Variants in GPATCH1 observed in about 807,000 individuals in gnomAD.
GPATCH1 encodes the protein G patch domain-containing protein 1.
GPATCH1 carries 73 observed loss-of-function variants against 114.9 expected under a neutral mutation model. That is an observed-to-expected ratio of 0.64 (90% confidence interval 0.53 to 0.77). The LOEUF is 0.77. GPATCH1 is among the 30% of genes least tolerant of loss of function. The pLI is 0.00. For synonymous variants in GPATCH1, 391 were observed against 428.4 expected (o/e 0.91, Z 1.08); for missense variants, 1,058 against 1,144.3 (o/e 0.92, Z 1.09).
chr19:33,098,177 G>A (rs1409274688), intron 8 of GPATCH1, among the ~76,000 whole-genome samples: 1 of 152,184 alleles, frequency 6.6e-6, no homozygotes, highest in Non-Finnish European at 1.5e-5. Flanking sequence ...GTGACCACAT[G>A]GCTGGTCAGA....
chr19:33,107,134 C>T (rs1210637571), intron 10 of GPATCH1, among the ~76,000 whole-genome samples: 1 of 152,094 alleles, frequency 6.6e-6, no homozygotes, highest in Non-Finnish European at 1.5e-5. Flanking sequence ...GTCTGTCACC[C>T]AGGCTGAAGG....
intron 19 of GPATCH1, 22 bp from the exon 20 acceptor site, chr19:33,130,108 T>A (rs1364285860): frequency 4.4e-6 from 7 of 1,605,702 alleles, no homozygotes; most frequent in Non-Finnish European, 6.0e-6. Flanking sequence ...TCCATTTCTC[T>A]CTTTTCTGTT....
At position 33,086,835 on chromosome 19, in the gene GPATCH1, G is replaced by A. The variant is rs150128500; in HGVS notation, c.74-1299G>A. ...TTTAAACCTGGGCTCTTGGCTGGAC[G>A]CGGTCGCTCACACCTGTAATCCCAG... On this transcript the variant is annotated intron_variant, in intron 1 of 19. Transcript: ENST00000170564. 7.6e-3 allele frequency among the ~76,000 whole-genome samples: 1,151 copies of A among 152,008 alleles called. 16 individuals carry two copies. The highest frequency in any genetic ancestry group is 0.027 in the African/African-American group (1,114 of 41,456).
intron 16 of GPATCH1, among the ~76,000 whole-genome samples, chr19:33,118,281 C>T (rs1259085107): frequency 6.7e-6 from 1 of 149,838 alleles, no homozygotes; most frequent in East Asian, 2.0e-4. Context: ...TGGGCTCAAG[C>T]AATCCTCCCA....
At position 33,082,385 on chromosome 19, in the gene GPATCH1, C is replaced by A. The variant is rs1374218254; in HGVS notation, c.73+1119C>A. ...ATTGGGCCACAATTTATTTGCAGAC[C>A]TCCTGTTGGTGGGGGTCCCCTCCCT... On this transcript the variant is annotated intron_variant, in intron 1 of 19. Coordinates refer to ENST00000170564, the MANE Select transcript of GPATCH1 (RefSeq NM_018025.3). Among the ~76,000 whole-genome samples the A allele has an allele frequency of 3.3e-5, 5 of 152,282 alleles. No individual in the cohort carries two copies. The Middle Eastern group carries it at 0.014, about 414-fold the overall frequency.
intron 8 of GPATCH1, among the ~76,000 whole-genome samples, chr19:33,101,027 T>A (rs1205003030): frequency 6.6e-6 from 1 of 152,198 alleles, no homozygotes. Flanking sequence ...TGGCATTGCC[T>A]TTCATCCCTA....
Position 33,114,437 on chromosome 19 carries a change from A to G in GPATCH1, c.2196+18A>G, listed in dbSNP as rs1320166676. The G allele has an allele frequency of 6.4e-7, 1 of 1,571,476 alleles. No homozygotes were observed. Among genetic ancestry groups the G allele is most frequent in the Non-Finnish European group, 8.6e-7 (1 of 1,160,756 alleles). ...CAAATCAGGTATTTGGGGCTTCCAG[A>G]TTCTCTTTGCCACGCTGAGTGTGGC... On this transcript the variant is annotated intron_variant, in intron 15 of 19. Coordinates refer to ENST00000170564, the MANE Select transcript of GPATCH1 (RefSeq NM_018025.3).
intron 15 of GPATCH1, 32 bp downstream of exon 15, chr19:33,114,451 G>T: frequency 5.3e-6 from 8 of 1,507,208 alleles, no homozygotes; most frequent in Non-Finnish European, 7.2e-6. Context: ...TCTTTGCCAC[G>T]CTGAGTGTGG....
Position 33,095,752 on chromosome 19 carries a change from T to A in GPATCH1, c.554-10T>A, listed in dbSNP as rs1247370250. On this transcript the variant is annotated splice_polypyrimidine_tract_variant and intron_variant, in intron 5 of 19. Transcript: ENST00000170564. ...ACTCATGACTATTGCATTTGAAATCTCTTTTCTAGATCCTGGAGTCAAAAT... is the reference window on the plus strand; with the variant it reads ...ACTCATGACTATTGCATTTGAAATCACTTTTCTAGATCCTGGAGTCAAAAT... 6 of 1,601,152 alleles carry A rather than the reference T, an allele frequency of 3.7e-6. No homozygotes were observed. The South Asian group carries it at 6.6e-5, about 18-fold the overall frequency.
At chr19:33,123,531 C>A (rs574248629) in intron 17 of GPATCH1, among the ~76,000 whole-genome samples, 2 of 152,044 alleles carry the variant, frequency 1.3e-5, no homozygotes, top group Non-Finnish European at 2.9e-5. Context: ...CAGAGGATCC[C>A]TTGAGTCCAA....
intron 8 of GPATCH1, among the ~76,000 whole-genome samples, chr19:33,098,749 T>A (rs918728580): frequency 6.6e-6 from 1 of 152,160 alleles, no homozygotes; most frequent in Non-Finnish European, 1.5e-5. Context: ...TGGCACCTAC[T>A]ATTCTTTGGT....
At chr19:33,111,636 G>T in intron 11 of GPATCH1, 88 bp from the exon 12 acceptor site, 2 of 1,144,820 alleles carry the variant, frequency 1.7e-6, no homozygotes, top group Non-Finnish European at 1.3e-6. Context: ...GAAATATACA[G>T]GGATACAGTG....
intron 11 of GPATCH1, among the ~76,000 whole-genome samples, chr19:33,110,529 C>T (rs191683707): frequency 1.4e-4 from 21 of 152,160 alleles, no homozygotes; most frequent in Non-Finnish European, 1.5e-4. Flanking sequence ...CAGTAGTCCT[C>T]GTGAGAGGTT....
chr19:33,130,258 T>C lies in GPATCH1; in HGVS notation c.*98T>C. On this transcript the variant is annotated 3_prime_UTR_variant, in exon 20 of 20. Coordinates refer to ENST00000170564, the MANE Select transcript of GPATCH1 (RefSeq NM_018025.3). ...GCATTGTACAGAGTGTATTTATATG[T>C]AAATTCCTGCTGTAAAATAATTTTT... is the stretch of plus-strand genomic sequence containing the variant. 1.4e-6 allele frequency: 1 copy of C among 727,006 alleles called. No individual in the cohort carries two copies. Among genetic ancestry groups the C allele is most frequent in the Admixed American group, 2.7e-5 (1 of 37,286 alleles). 45.0% of individuals were successfully genotyped at this position (727,006 alleles called of 1,614,324 possible).
intron 15 of GPATCH1, 77 bp downstream of exon 15, chr19:33,114,496 G>A (rs1035794947): frequency 5.2e-6 from 6 of 1,156,584 alleles, no homozygotes; most frequent in East Asian, 2.5e-5. Context: ...CTTTCTCCTC[G>A]TGACTCACCA....
chr19:33,108,083 C>A (rs1972807172), intron 10 of GPATCH1, among the ~76,000 whole-genome samples: 2 of 152,028 alleles, frequency 1.3e-5, no homozygotes, highest in South Asian at 4.1e-4. Context: ...TTAGTGAGTC[C>A]TCTCGGCTCT....
intron 4 of GPATCH1, 57 bp downstream of exon 4, chr19:33,093,576 A>C: frequency 1.8e-5 from 26 of 1,469,254 alleles, no homozygotes; most frequent in Non-Finnish European, 2.4e-5. Context: ...CATATGTGTG[A>C]TTCTCTTGCT....
In GPATCH1 at chr19:33,093,358, G is replaced by A. The variant is rs1027013877; in HGVS notation, c.295-1G>A. On this transcript the variant is annotated splice_acceptor_variant, in intron 3 of 19. Coordinates refer to ENST00000170564, the MANE Select transcript of GPATCH1 (RefSeq NM_018025.3). LOFTEE classifies it high-confidence loss of function. ...GTAATTCTGTTTGAATTTTTTTGAAGGATCTTAGTGAATTTGGGATAGCAC... is the reference window on the plus strand; with the variant it reads ...GTAATTCTGTTTGAATTTTTTTGAAAGATCTTAGTGAATTTGGGATAGCAC... 1 of 1,602,364 alleles carries A rather than the reference G, an allele frequency of 6.2e-7. No individual in the cohort carries two copies. The highest frequency in any genetic ancestry group is 1.3e-5 in the African/African-American group (1 of 74,484).
chr19:33,103,089 T>C (rs1355788503), intron 9 of GPATCH1, among the ~76,000 whole-genome samples: 2 of 152,250 alleles, frequency 1.3e-5, no homozygotes, highest in African/African-American at 4.8e-5. Flanking sequence ...AGGAGGGAGT[T>C]AGGGTGCTGG....
Sources: allele counts gnomAD v4.1 joint callset (sites outside exome capture counted in the v4.1 genomes callset), GRCh38; gene constraint gnomAD v4.1.1; transcripts MANE v1.5; gene names NCBI Gene and HGNC (gene_info 2026-07-23, HGNC 2026-07-21).